Variants in HERC3 observed in about 807,000 individuals in gnomAD.
HERC3 encodes the protein HECT and RLD domain containing E3 ubiquitin protein ligase 3.
HERC3 carries 58 observed loss-of-function variants against 129.9 expected under a neutral mutation model. The observed-to-expected ratio is 0.45, with a 90% CI of 0.36 to 0.56. The LOEUF is 0.56. Among genes scored for constraint, HERC3 ranks in the 20% least tolerant of loss-of-function variants. HERC3 has a pLI of 0.00. For missense variants in HERC3, 835 were observed against 1,244.2 expected (o/e 0.67, Z 4.95); for synonymous variants, 430 against 451.0 (o/e 0.95, Z 0.59).
chr4:88,528,134 C>A, the HERC3 span: 1 of 235,708 alleles, frequency 4.2e-6, no homozygotes. Context: ...CCCCAAACAG[C>A]CAGATTGATA....
intron 2 of HERC3, among the ~76,000 whole-genome samples, chr4:88,601,774 G>GTATATTT (rs765314083): frequency 2.7e-5 from 4 of 146,940 alleles, no homozygotes; most frequent in African/African-American, 1.1e-4. Context: ...GGATATTCAG[G>GTATATTT]GGCCGGGCGC....
chr4:88,626,531 T>A (rs1236309801), intron 3 of HERC3, among the ~76,000 whole-genome samples: 1 of 152,210 alleles, frequency 6.6e-6, no homozygotes, highest in Non-Finnish European at 1.5e-5. Context: ...TCAAGGTATA[T>A]AAGGTGACAT....
At chr4:88,607,322 G>C (rs920559893) in intron 3 of HERC3, among the ~76,000 whole-genome samples, 3 of 152,182 alleles carry the variant, frequency 2.0e-5, no homozygotes, top group Admixed American at 2.0e-4. Context: ...AGTGTGGTGA[G>C]ACTGGGAAGA....
At chr4:88,605,056 G>C (rs905298705) in intron 2 of HERC3, among the ~76,000 whole-genome samples, 6 of 152,184 alleles carry the variant, frequency 3.9e-5, no homozygotes, top group African/African-American at 1.4e-4. Context: ...GAAGAGGTCT[G>C]TGTTATACTG....
intron 6 of HERC3, 120 bp from the exon 7 acceptor site, chr4:88,653,922 C>A (rs1272648178): frequency 2.9e-6 from 2 of 690,608 alleles, no homozygotes; most frequent in Non-Finnish European, 5.1e-6. Context: ...AGTACAGATG[C>A]AGGCAGGAAA....
intron 10 of HERC3, among the ~76,000 whole-genome samples, chr4:88,658,870 T>G (rs1021295645): frequency 1.3e-5 from 2 of 152,210 alleles, no homozygotes; most frequent in Admixed American, 1.3e-4. Context: ...TGGGTTTCTT[T>G]GTTTGATGTG....
In HERC3 at chr4:88,595,968, G is replaced by A. The variant is rs191639565; in HGVS notation, c.-30+354G>A. 9.0e-3 allele frequency among the ~76,000 whole-genome samples: 1,317 copies of A among 147,038 alleles called. 16 individuals are homozygous for A. Among genetic ancestry groups the A allele is most frequent in the African/African-American group, 0.031 (1,238 of 39,512 alleles). On this transcript the variant is annotated intron_variant, in intron 2 of 25. Coordinates refer to ENST00000402738, the MANE Select transcript of HERC3 (RefSeq NM_014606.3). ...GGGTTCATGCCATTCTCCTGCCTCA[G>A]CCTCCCGAGTAGCTGGGACTACAGG...
chr4:88,698,439 C>A (rs2602123), intron 23 of HERC3, among the ~76,000 whole-genome samples: 14,125 of 151,990 alleles, frequency 0.093, 1,335 homozygotes, highest in African/African-American at 0.24. Flanking sequence ...CAGCAGGACT[C>A]CCCTGGAAGC....
the HERC3 span, among the ~76,000 whole-genome samples, chr4:88,538,545 CTTTTT>C: frequency 6.9e-5 from 9 of 129,782 alleles, no homozygotes; most frequent in African/African-American, 9.1e-5. Context: ...CCAATTTCCT[CTTTTT>C]TTTTTTTTTT....
chr4:88,547,470 G>A, the HERC3 span, among the ~76,000 whole-genome samples: 14 of 151,834 alleles, frequency 9.2e-5, no homozygotes, highest in African/African-American at 3.4e-4. Context: ...TTTCATTATC[G>A]CAGAAAGGGA....
At chr4:88,688,902 A>G (rs545403407) in intron 23 of HERC3, among the ~76,000 whole-genome samples, 1 of 152,268 alleles carries the variant, frequency 6.6e-6, no homozygotes, top group African/African-American at 2.4e-5. Flanking sequence ...TAATTTGCAC[A>G]TAGGCTAGCA....
chr4:88,678,081 G>T lies in HERC3; in HGVS notation c.2143G>T (p.Ala715Ser), dbSNP rs766652989. 3 of 1,613,834 alleles carry T rather than the reference G, an allele frequency of 1.9e-6. No homozygotes were observed. In the African/African-American group the frequency reaches 4.0e-5, roughly 22 times the overall value. The change falls in exon 19 of 26, where the codon GCC becomes TCC. Residue 715 changes from alanine (A) to serine (S), a missense_variant. Physicochemically the swap from Ala to Ser is moderately conservative, Grantham distance 99. Coordinates refer to ENST00000402738, the MANE Select transcript of HERC3 (RefSeq NM_014606.3). Reference protein sequence around the residue: ...HVRRNNLVGDALRELSIHSDI... With the variant: ...HVRRNNLVGDSLRELSIHSDI... ...TCGCAGGAACAACCTTGTTGGAGAT[G>T]CCCTAAGAGAGCTGAGCATTCATTC...
At chr4:88,602,701 A>G (rs1723143342) in intron 2 of HERC3, among the ~76,000 whole-genome samples, 1 of 152,086 alleles carries the variant, frequency 6.6e-6, no homozygotes, top group Non-Finnish European at 1.5e-5. Flanking sequence ...GCTGGTCTCA[A>G]ACTCCTGGGC....
At chr4:88,645,338 A>G (rs1456226923) in intron 3 of HERC3, among the ~76,000 whole-genome samples, 1 of 152,228 alleles carries the variant, frequency 6.6e-6, no homozygotes, top group East Asian at 1.9e-4. Flanking sequence ...CTACTATTAA[A>G]GAAAAGTATA....
the HERC3 span, among the ~76,000 whole-genome samples, chr4:88,565,310 C>A: frequency 1.3e-5 from 2 of 152,078 alleles, no homozygotes; most frequent in Non-Finnish European, 2.9e-5. Context: ...TCTGGATGAT[C>A]TGTCCAATGC....
At chr4:88,654,346 TTTCATA>T (rs1284595089) in intron 7 of HERC3, among the ~76,000 whole-genome samples, 1 of 79,726 alleles carries the variant, frequency 1.3e-5, no homozygotes, top group African/African-American at 6.4e-5. Context: ...CTTGTAGATT[TTTCATA>T]TATATATATA....
chr4:88,652,718 G>A, intron 5 of HERC3, 151 bp from the exon 6 acceptor site: 1 of 767,530 alleles, frequency 1.3e-6, no homozygotes, highest in Non-Finnish European at 2.0e-6. Context: ...TTTGGTTTTG[G>A]CAGTCTGATA....
intron 3 of HERC3, among the ~76,000 whole-genome samples, chr4:88,627,372 C>T (rs1186135028): frequency 6.6e-6 from 1 of 151,828 alleles, no homozygotes; most frequent in Admixed American, 6.6e-5. Flanking sequence ...AAACAATATA[C>T]TATTGTTATT....
At chr4:88,611,514 G>T (rs1724323562) in intron 3 of HERC3, among the ~76,000 whole-genome samples, 1 of 152,174 alleles carries the variant, frequency 6.6e-6, no homozygotes, top group African/African-American at 2.4e-5. Context: ...GGGGTTATGG[G>T]CAGGTCTGTG....
Sources: allele counts gnomAD v4.1 joint callset (sites outside exome capture counted in the v4.1 genomes callset), GRCh38; gene constraint gnomAD v4.1.1; transcripts MANE v1.5; gene names NCBI Gene and HGNC (gene_info 2026-07-23, HGNC 2026-07-21).